Variants in AKAP3 observed in about 807,000 individuals in gnomAD.
AKAP3 encodes the protein A-kinase anchor protein 3.
AKAP3 carries 27 observed loss-of-function variants against 57.2 expected under a neutral mutation model. The observed-to-expected ratio is 0.47, with a 90% CI of 0.35 to 0.65. The LOEUF is 0.65. AKAP3 is among the 30% of genes least tolerant of loss of function. The pLI, the probability that AKAP3 is intolerant of heterozygous loss-of-function variation, is 0.01. For missense variants in AKAP3, 959 were observed against 1,040.0 expected, an observed-to-expected ratio of 0.92 and a Z score of 1.07; for synonymous variants, 334 against 392.3, an observed-to-expected ratio of 0.85 and a Z score of 1.76.
At chr12:4,645,581 C>T (rs1368151282) in intron 1 of AKAP3, 1 of 152,062 alleles carries the variant, frequency 6.6e-6, no homozygotes, top group Non-Finnish European at 1.5e-5. Flanking sequence ...TGGTGGGAGA[C>T]AGCGACAGAT....
Position 4,618,160 on chromosome 12 carries a change from A to T in AKAP3, c.2407-2266T>A, listed in dbSNP as rs113240806. Among the ~76,000 whole-genome samples, 994 of 152,340 alleles carry T rather than the reference A, an allele frequency of 6.5e-3. 18 individuals are homozygous for T. The highest frequency in any genetic ancestry group is 0.022 in the African/African-American group (919 of 41,574). On this transcript the variant is annotated intron_variant, in intron 5 of 5. Transcript: ENST00000228850. ...CCATAAATTGGGCTAAGCATAAATG[A>T]TTAACATATCTAAACATCAAATGTC...
At chr12:4,641,777 T>C (rs538670826) in intron 3 of AKAP3, 122 bp downstream of exon 3, 4 of 152,356 alleles carry the variant, frequency 2.6e-5, no homozygotes, top group Non-Finnish European at 5.9e-5. Flanking sequence ...TTCATCCAAA[T>C]GAGTTACTCC....
intron 5 of AKAP3, among the ~76,000 whole-genome samples, chr12:4,620,344 C>T (rs1420172140): frequency 6.6e-6 from 1 of 151,292 alleles, no homozygotes; most frequent in Non-Finnish European, 1.5e-5. Flanking sequence ...ACAAAAATTA[C>T]AGTGCACCTG....
chr12:4,637,757 A>G (rs1945584523), intron 4 of AKAP3, among the ~76,000 whole-genome samples: 1 of 152,160 alleles, frequency 6.6e-6, no homozygotes, highest in South Asian at 2.1e-4. Flanking sequence ...CCTTGGAGAC[A>G]TTTATCTCCA....
At chr12:4,632,611 A>G (rs1945511951) in intron 4 of AKAP3, among the ~76,000 whole-genome samples, 1 of 152,072 alleles carries the variant, frequency 6.6e-6, no homozygotes, top group African/African-American at 2.4e-5. Context: ...AGGACAGTAA[A>G]TAACAGAGGG....
chr12:4,619,109 A>T (rs1459629099), intron 5 of AKAP3, among the ~76,000 whole-genome samples: 1 of 152,252 alleles, frequency 6.6e-6, no homozygotes, highest in Non-Finnish European at 1.5e-5. Context: ...ATGTAGGCCA[A>T]ATGAAATGCA....
chr12:4,645,543 C>T (rs528304398), intron 1 of AKAP3: 39 of 152,186 alleles, frequency 2.6e-4, no homozygotes, highest in African/African-American at 9.2e-4. Context: ...GTCCTGTCTT[C>T]CTGCAACTAG....
At chr12:4,636,236 C>A in intron 4 of AKAP3, 1 of 449,568 alleles carries the variant, frequency 2.2e-6, no homozygotes, top group East Asian at 5.1e-5. Context: ...CAATTTTCTT[C>A]TTTCTGGAGG....
Position 4,625,703 on chromosome 12 carries a change from G to GAGAA in AKAP3, c.2406+792_2406+793insTTCT, listed in dbSNP as rs1237176985. ...TGAGGAAGAGAAAATGAGAGAGAGAGAGAGAGAGAGAGAGCAAGCGAGCGA... is the reference window on the plus strand; with the variant it reads ...TGAGGAAGAGAAAATGAGAGAGAGAGAGAAAGAGAGAGAGAGAGCAAGCGAGCGA... On this transcript the variant is annotated intron_variant, in intron 5 of 5. Transcript: ENST00000228850. The surrounding 1 kb of genome is among the most constrained non-coding windows in gnomAD (Gnocchi z 5.4). 1.3e-5 allele frequency among the ~76,000 whole-genome samples: 2 copies of GAGAA among 151,778 alleles called. No homozygotes were observed. The highest frequency in any genetic ancestry group is 2.9e-5 in the Non-Finnish European group (2 of 67,952).
intron 3 of AKAP3, among the ~76,000 whole-genome samples, chr12:4,641,610 T>C (rs1290146563): frequency 3.3e-5 from 5 of 152,224 alleles, no homozygotes; most frequent in South Asian, 4.1e-4. Flanking sequence ...CATACACACA[T>C]AGAAATGTTC....
chr12:4,629,115 A>G (rs1945466109), intron 4 of AKAP3, among the ~76,000 whole-genome samples: 1 of 152,238 alleles, frequency 6.6e-6, no homozygotes, highest in African/African-American at 2.4e-5. Flanking sequence ...TAATACAGCT[A>G]ACCATTGATG....
rs1945446387 is a variant in AKAP3 at position 4,628,040 on chromosome 12, A to T, written c.862T>A (p.Tyr288Asn). Reference sequence around the variant, plus strand: ...ATATCAGATACCACACTGTTAGCATAGGTCATGATCCCTTCACTAACAGAA... The same window carrying T: ...ATATCAGATACCACACTGTTAGCATTGGTCATGATCCCTTCACTAACAGAA... ...TASVSEGIMT[Y>N]ANSVVSDMMV... is the part of the protein sequence containing the mutation. The change falls in exon 5 of 6, where the codon TAT becomes AAT. Residue 288 changes from tyrosine (Y) to asparagine (N), a missense_variant. Coordinates refer to ENST00000228850, the MANE Select transcript of AKAP3 (RefSeq NM_001278309.2). The T allele has an allele frequency of 6.2e-7, 1 of 1,614,116 alleles. No individual in the cohort carries two copies. The highest frequency in any genetic ancestry group is 8.5e-7 in the Non-Finnish European group (1 of 1,179,994).
At chr12:4,633,749 T>TTTTTTTTTTTTTTTTTAATTGATC (rs1555129118) in intron 4 of AKAP3, among the ~76,000 whole-genome samples, 10 of 149,778 alleles carry the variant, frequency 6.7e-5, no homozygotes, top group African/African-American at 2.5e-4. Flanking sequence ...TCAGTAGTTT[T>TTTTTTTTTTTTTTTTTAATTGATC]AAGTCAGCTA....
At chr12:4,634,209 G>A (rs1025903802) in intron 4 of AKAP3, among the ~76,000 whole-genome samples, 5 of 152,024 alleles carry the variant, frequency 3.3e-5, no homozygotes, top group African/African-American at 1.2e-4. Context: ...ATGAAGGTTG[G>A]AAAACAAGGC....
chr12:4,616,332 G>A (rs939289429), intron 5 of AKAP3, among the ~76,000 whole-genome samples: 8 of 152,168 alleles, frequency 5.3e-5, no homozygotes, highest in African/African-American at 1.9e-4. Flanking sequence ...AGATTTGTCA[G>A]AATTAACTGC....
In AKAP3 at chr12:4,628,698, A is replaced by G; in HGVS notation, c.204T>C (p.Gly68=). Residue 68 remains glycine (G), a synonymous_variant, in exon 5 of 6, where the codon GGT becomes GGC. Coordinates refer to ENST00000228850, the MANE Select transcript of AKAP3 (RefSeq NM_001278309.2). ...DVRFKPGESF[G]GETSNSGDPH... ...GGTCTCCTGAGTTGGACGTTTCCCC[A>G]CCAAATGATTCTCCGGGTTTGAACC... The G allele has an allele frequency of 3.1e-6, 5 of 1,614,106 alleles. No individual in the cohort carries two copies. The highest frequency in any genetic ancestry group is 4.2e-6 in the Non-Finnish European group (5 of 1,180,014).
Position 4,627,684 on chromosome 12 carries a change from G to A in AKAP3, c.1218C>T (p.Leu406=). 1.2e-6 allele frequency: 2 copies of A among 1,614,106 alleles called. No individual in the cohort carries two copies. Among genetic ancestry groups the A allele is most frequent in the Non-Finnish European group, 1.7e-6 (2 of 1,180,030 alleles). Reference sequence around the variant, plus strand: ...GATCACCCATTCCTTTCATGGAGATGAGGGAATAACTCTCAGCCTTGTCTT... The same window carrying A: ...GATCACCCATTCCTTTCATGGAGATAAGGGAATAACTCTCAGCCTTGTCTT... ...KAQDKAESYS[L]ISMKGMGDPK... Residue 406 remains leucine, a synonymous_variant, in exon 5 of 6, where the codon CTC becomes CTT. Transcript: ENST00000228850.
chr12:4,636,001 A>ATGG (rs1249918496), intron 4 of AKAP3: 1 of 1,466,710 alleles, frequency 6.8e-7, no homozygotes. Flanking sequence ...AGTTACCCCA[A>ATGG]TGGTACTCTC....
At chr12:4,633,069 C>T (rs1945518561) in intron 4 of AKAP3, among the ~76,000 whole-genome samples, 1 of 151,546 alleles carries the variant, frequency 6.6e-6, no homozygotes, top group Non-Finnish European at 1.5e-5. Context: ...TACAGGAAAG[C>T]CTTACTATAG....
Sources: gnomAD v4.1 joint callset for allele counts (sites outside exome capture counted in the v4.1 genomes callset) on GRCh38, gnomAD v4.1.1 for gene constraint, Gnocchi (gnomAD v3.1) non-coding constraint, MANE v1.5 for transcripts, NCBI Gene and HGNC (gene_info 2026-07-23, HGNC 2026-07-21) for gene names.